Variants in MSRA observed in about 807,000 individuals in gnomAD.
MSRA encodes methionine sulfoxide reductase A, also known as mitochondrial peptide methionine sulfoxide reductase.
MSRA carries 54 observed loss-of-function variants against 31.3 expected under a neutral mutation model. The ratio of observed to expected loss-of-function variants is 1.73; its 90% confidence interval spans 1.39 to 2.17. The LOEUF is 2.17. MSRA is among the 30% of genes most tolerant of loss of function. MSRA has a pLI of 0.00. For synonymous variants in MSRA, 169 were observed against 116.5 expected, an observed-to-expected ratio of 1.45 and a Z score of -2.90; for missense variants, 507 against 300.9, an observed-to-expected ratio of 1.69 and a Z score of -5.07.
intron 1 of MSRA, among the ~76,000 whole-genome samples, chr8:10,129,154 A>T (rs1801718165): frequency 6.6e-6 from 1 of 151,756 alleles, no homozygotes; most frequent in Admixed American, 6.6e-5. Context: ...AGTGACGGAG[A>T]CTCTGTTTTT....
At chr8:10,174,980 C>A (rs1805916863) in intron 1 of MSRA, among the ~76,000 whole-genome samples, 1 of 152,214 alleles carries the variant, frequency 6.6e-6, no homozygotes, top group Admixed American at 6.5e-5. Flanking sequence ...ACACAGCCAT[C>A]ACTTCTGAAC....
chr8:10,082,298 C>G (rs895949719), intron 1 of MSRA, among the ~76,000 whole-genome samples: 2 of 152,078 alleles, frequency 1.3e-5, no homozygotes, highest in African/African-American at 4.8e-5. Flanking sequence ...TTCCTGAAGA[C>G]TGGGGAAGGA....
At chr8:10,070,701 C>G (rs1198016517) in intron 1 of MSRA, among the ~76,000 whole-genome samples, 4 of 152,188 alleles carry the variant, frequency 2.6e-5, no homozygotes, top group Non-Finnish European at 4.4e-5. Flanking sequence ...CTCCTGTTCT[C>G]CATTGCTGTT....
intron 5 of MSRA, among the ~76,000 whole-genome samples, chr8:10,371,520 A>G (rs1414995680): frequency 2.0e-5 from 3 of 152,188 alleles, no homozygotes; most frequent in Non-Finnish European, 2.9e-5. Context: ...ATAAAAGTAA[A>G]CAGCAGCAAA....
At chr8:10,272,469 C>T (rs1393967522) in intron 3 of MSRA, among the ~76,000 whole-genome samples, 1 of 152,226 alleles carries the variant, frequency 6.6e-6, no homozygotes, top group African/African-American at 2.4e-5. Flanking sequence ...CCTTTCTACT[C>T]AAGTGTTTTG....
chr8:10,216,113 T>C (rs1453857794), intron 2 of MSRA, among the ~76,000 whole-genome samples: 1 of 152,204 alleles, frequency 6.6e-6, no homozygotes, highest in African/African-American at 2.4e-5. Flanking sequence ...TCAGATAATA[T>C]AAAACCTAAT....
chr8:10,356,410 C>CTT (rs1170497789), intron 5 of MSRA, among the ~76,000 whole-genome samples: 2 of 152,214 alleles, frequency 1.3e-5, no homozygotes, highest in African/African-American at 4.8e-5. Flanking sequence ...GCCTCTCCTC[C>CTT]ATCTGCCCCA....
chr8:10,288,207 C>G (rs1187409090), intron 3 of MSRA, among the ~76,000 whole-genome samples: 1 of 152,130 alleles, frequency 6.6e-6, no homozygotes, highest in Non-Finnish European at 1.5e-5. Context: ...CCTAAGCGGC[C>G]TTTTTAGACA....
intron 1 of MSRA, among the ~76,000 whole-genome samples, chr8:10,160,968 T>C (rs1384069493): frequency 6.6e-6 from 1 of 152,254 alleles, no homozygotes; most frequent in African/African-American, 2.4e-5. Context: ...TTGCTAATTC[T>C]TTGTAATTAT....
intron 1 of MSRA, among the ~76,000 whole-genome samples, chr8:10,098,683 G>T (rs1799335218): frequency 6.6e-6 from 1 of 152,202 alleles, no homozygotes; most frequent in East Asian, 1.9e-4. Flanking sequence ...CAGGAGATTA[G>T]TTGTATTACA....
At chr8:10,072,979 A>G (rs570164054) in intron 1 of MSRA, among the ~76,000 whole-genome samples, 1 of 152,318 alleles carries the variant, frequency 6.6e-6, no homozygotes, top group South Asian at 2.1e-4. Context: ...AACTCACTTT[A>G]GTAGAAGTTT....
At chr8:10,235,020 A>G (rs1436888919) in intron 2 of MSRA, among the ~76,000 whole-genome samples, 1 of 152,158 alleles carries the variant, frequency 6.6e-6, no homozygotes, top group Non-Finnish European at 1.5e-5. Flanking sequence ...TCAATTTGCC[A>G]GAAAATTAAA....
intron 4 of MSRA, among the ~76,000 whole-genome samples, chr8:10,303,770 T>C (rs1242696470): frequency 6.6e-6 from 1 of 152,204 alleles, no homozygotes; most frequent in African/African-American, 2.4e-5. Context: ...CGAGAGATCC[T>C]CCGTCAGGAA....
At chr8:10,400,152 C>G (rs1014208059) in intron 5 of MSRA, among the ~76,000 whole-genome samples, 1 of 151,794 alleles carries the variant, frequency 6.6e-6, no homozygotes, top group Admixed American at 6.6e-5. Flanking sequence ...GCTGCAGAGA[C>G]AAAGTCAGAC....
intron 5 of MSRA, among the ~76,000 whole-genome samples, chr8:10,323,587 A>G (rs1412041950): frequency 2.6e-5 from 4 of 152,206 alleles, no homozygotes; most frequent in Non-Finnish European, 4.4e-5. Context: ...AATGATATCC[A>G]TAGGAGGTAA....
At chr8:10,299,420 A>G (rs1265876016) in intron 3 of MSRA, among the ~76,000 whole-genome samples, 1 of 152,184 alleles carries the variant, frequency 6.6e-6, no homozygotes, top group Non-Finnish European at 1.5e-5. Context: ...TTACAATCAC[A>G]TTATTATACC....
At chr8:10,257,229 C>T (rs576108613) in intron 3 of MSRA, among the ~76,000 whole-genome samples, 1 of 152,022 alleles carries the variant, frequency 6.6e-6, no homozygotes, top group Non-Finnish European at 1.5e-5. Context: ...GATCCTTAGG[C>T]AGCCTGGAAG....
intron 1 of MSRA, among the ~76,000 whole-genome samples, chr8:10,169,998 T>G (rs1805459809): frequency 1.3e-5 from 2 of 149,478 alleles, no homozygotes; most frequent in African/African-American, 4.9e-5. Flanking sequence ...TCACTGCAAC[T>G]TCTACCTCCT....
chr8:10,226,243 G>A (rs1469946681), intron 2 of MSRA, among the ~76,000 whole-genome samples: 1 of 152,180 alleles, frequency 6.6e-6, no homozygotes, highest in African/African-American at 2.4e-5. Context: ...TTTTGAATGT[G>A]GTAGATGAAA....
Sources: gnomAD v4.1 joint callset for allele counts (sites outside exome capture counted in the v4.1 genomes callset) on GRCh38, gnomAD v4.1.1 for gene constraint, MANE v1.5 for transcripts, NCBI Gene and HGNC (gene_info 2026-07-23, HGNC 2026-07-21) for gene names.